Variants in NRXN3 observed in about 807,000 individuals in gnomAD.
The protein encoded by NRXN3 is neurexin III.
Under a neutral mutation model 137.6 loss-of-function variants are expected in NRXN3, and 32 were observed. That is an observed-to-expected ratio of 0.23 (90% confidence interval 0.18 to 0.31). The LOEUF is 0.31. NRXN3 is among the 10% of genes least tolerant of loss of function. The pLI is 1.00. For synonymous variants in NRXN3, 798 were observed against 784.5 expected, an observed-to-expected ratio of 1.02 and a Z score of -0.29; for missense variants, 1,574 against 2,062.5, an observed-to-expected ratio of 0.76 and a Z score of 4.59.
chr14:79,854,899 C>T (rs1414534093), intron 20 of NRXN3, among the ~76,000 whole-genome samples: 1 of 152,142 alleles, frequency 6.6e-6, no homozygotes, highest in Non-Finnish European at 1.5e-5. Context: ...ACTGAAAATG[C>T]AGATATCAAG....
intron 1 of NRXN3, among the ~76,000 whole-genome samples, chr14:78,200,046 T>A (rs1367724535): frequency 6.6e-6 from 1 of 152,186 alleles, no homozygotes; most frequent in African/African-American, 2.4e-5. Context: ...TTGTGACAGC[T>A]CCTGGCATTC....
intron 19 of NRXN3, among the ~76,000 whole-genome samples, chr14:79,770,266 A>G (rs1256352076): frequency 2.0e-5 from 3 of 152,138 alleles, no homozygotes; most frequent in Admixed American, 1.3e-4. Context: ...GCTCTGCACC[A>G]AGCGGACCTA....
chr14:78,542,287 G>C (rs1017787613), intron 4 of NRXN3, among the ~76,000 whole-genome samples: 2 of 152,252 alleles, frequency 1.3e-5, no homozygotes, highest in African/African-American at 2.4e-5. Context: ...AGCTGATGTG[G>C]AGTGTAGAGG....
chr14:78,793,466 G>C (rs1204103551), intron 8 of NRXN3, among the ~76,000 whole-genome samples: 1 of 152,168 alleles, frequency 6.6e-6, no homozygotes, highest in African/African-American at 2.4e-5. Context: ...TATGAGTATG[G>C]TTTATTACAG....
At chr14:79,857,724 C>CTATT (rs2099405819) in intron 20 of NRXN3, among the ~76,000 whole-genome samples, 1 of 152,008 alleles carries the variant, frequency 6.6e-6, no homozygotes, top group Non-Finnish European at 1.5e-5. Flanking sequence ...AATGTTCTAC[C>CTATT]TATTTTCATT....
intron 15 of NRXN3, among the ~76,000 whole-genome samples, chr14:79,330,837 C>T (rs1341361972): frequency 2.6e-5 from 4 of 152,134 alleles, no homozygotes; most frequent in Non-Finnish European, 5.9e-5. Context: ...TTGAGAGGTC[C>T]ATGTCTAGTC....
chr14:78,918,618 T>G (rs1445102985), intron 10 of NRXN3, among the ~76,000 whole-genome samples: 1 of 152,188 alleles, frequency 6.6e-6, no homozygotes, highest in Non-Finnish European at 1.5e-5. Context: ...CCTTCAGAAT[T>G]GAGCTGATCC....
chr14:79,265,190 T>C (rs538401259), intron 15 of NRXN3, among the ~76,000 whole-genome samples: 1 of 151,364 alleles, frequency 6.6e-6, no homozygotes, highest in African/African-American at 2.4e-5. Context: ...AAAAATCTCT[T>C]CCACATCTGG....
intron 16 of NRXN3, among the ~76,000 whole-genome samples, chr14:79,521,768 A>C (rs1408477208): frequency 6.6e-6 from 1 of 152,146 alleles, no homozygotes; most frequent in Non-Finnish European, 1.5e-5. Flanking sequence ...CCATTAGGTT[A>C]GACATAGTTC....
At chr14:78,679,569 ATT>A (rs1188253034) in intron 6 of NRXN3, among the ~76,000 whole-genome samples, 1 of 152,154 alleles carries the variant, frequency 6.6e-6, no homozygotes, top group Non-Finnish European at 1.5e-5. Context: ...AAGCTACTAA[ATT>A]TTTCAGAATA....
At chr14:78,639,575 T>C (rs2097599561) in intron 4 of NRXN3, among the ~76,000 whole-genome samples, 1 of 152,206 alleles carries the variant, frequency 6.6e-6, no homozygotes, top group Non-Finnish European at 1.5e-5. Flanking sequence ...ACTCCCCTAC[T>C]TGCCTGCTTT....
chr14:78,220,878 T>C (rs1386843960), intron 1 of NRXN3, among the ~76,000 whole-genome samples: 1 of 152,000 alleles, frequency 6.6e-6, no homozygotes, highest in Non-Finnish European at 1.5e-5. Flanking sequence ...CCTCAATTTT[T>C]TTTTTTCAGT....
intron 10 of NRXN3, among the ~76,000 whole-genome samples, chr14:78,860,778 C>A (rs2099070226): frequency 6.6e-6 from 1 of 151,938 alleles, no homozygotes; most frequent in Non-Finnish European, 1.5e-5. Context: ...TCATCATTGT[C>A]TTCATGTTGA....
intron 4 of NRXN3, among the ~76,000 whole-genome samples, chr14:78,520,070 T>C (rs1245831211): frequency 6.6e-6 from 1 of 152,190 alleles, no homozygotes; most frequent in Non-Finnish European, 1.5e-5. Context: ...AAACATCCCC[T>C]GTTCAAGCCT....
At chr14:78,616,577 C>A (rs1464224598) in intron 4 of NRXN3, among the ~76,000 whole-genome samples, 1 of 152,194 alleles carries the variant, frequency 6.6e-6, no homozygotes, top group Non-Finnish European at 1.5e-5. Flanking sequence ...CACTACAATG[C>A]AAGATTGATG....
chr14:79,385,331 T>A (rs1970078846), intron 15 of NRXN3, among the ~76,000 whole-genome samples: 1 of 150,856 alleles, frequency 6.6e-6, no homozygotes, highest in African/African-American at 2.4e-5. Flanking sequence ...GTTCTTGCGA[T>A]AGTTTACTGA....
At chr14:79,828,590 G>A (rs1252645846) in intron 20 of NRXN3, among the ~76,000 whole-genome samples, 1 of 127,000 alleles carries the variant, frequency 7.9e-6, no homozygotes, top group Admixed American at 9.5e-5. Context: ...CTGCACTCCA[G>A]CCTGGGCAAC....
intron 10 of NRXN3, among the ~76,000 whole-genome samples, chr14:78,848,101 A>G (rs1280127258): frequency 1.3e-5 from 2 of 152,082 alleles, no homozygotes; most frequent in African/African-American, 4.8e-5. Flanking sequence ...TCTCACTGCA[A>G]TAGGAGGGGA....
intron 19 of NRXN3, among the ~76,000 whole-genome samples, chr14:79,710,364 A>C (rs2098798877): frequency 6.6e-6 from 1 of 152,176 alleles, no homozygotes; most frequent in African/African-American, 2.4e-5. Flanking sequence ...AAAAAATAAT[A>C]AAAATCTATT....
Sources: allele counts gnomAD v4.1 joint callset (sites outside exome capture counted in the v4.1 genomes callset), GRCh38; gene constraint gnomAD v4.1.1; transcripts MANE v1.5; gene names NCBI Gene and HGNC (gene_info 2026-07-23, HGNC 2026-07-21).